GRIP2: variants seen among roughly 807,000 people sequenced by gnomAD.
GRIP2 encodes the protein glutamate receptor interacting protein 2.
In GRIP2, 58 loss-of-function variants were observed where a neutral mutation model predicts 108.3. That is an observed-to-expected ratio of 0.54 (90% CI 0.43 to 0.67). The LOEUF is 0.67. Among genes scored for constraint, GRIP2 ranks in the 30% least tolerant of loss-of-function variants. GRIP2 has a pLI of 0.00. For missense variants in GRIP2, 1,278 were observed against 1,430.6 expected, an observed-to-expected ratio of 0.89 and a Z score of 1.72; for synonymous variants, 586 against 598.2, an observed-to-expected ratio of 0.98 and a Z score of 0.30.
At chr3:14,514,526 T>A (rs888494669) in intron 11 of GRIP2, 48 bp from the exon 12 acceptor site, 1 of 1,481,734 alleles carries the variant, frequency 6.7e-7, no homozygotes, top group African/African-American at 1.4e-5. Flanking sequence ...CCCACGGAGG[T>A]CTTCCTGCCA....
rs1047580676 is a variant in GRIP2, at chr3:14,505,423, C to A, written c.2573+192G>T. Among the ~76,000 whole-genome samples the A allele has an allele frequency of 1.3e-5, 2 of 152,172 alleles. No individual in the cohort carries two copies. Among genetic ancestry groups the A allele is most frequent in the East Asian group, 3.9e-4 (2 of 5,182 alleles). ...ATACCTTCGTCCCTGCCGTGCCCTC[C>A]ACCAGTCTGCCCTTCCCTCCGTCTC... On this transcript the variant is annotated intron_variant, in intron 20 of 23. Transcript: ENST00000621039. The surrounding 1 kb of genome is among the most constrained non-coding windows in gnomAD (Gnocchi z 4.2).
chr3:14,569,735 C>T, the GRIP2 span, among the ~76,000 whole-genome samples: 43 of 152,256 alleles, frequency 2.8e-4, no homozygotes, highest in African/African-American at 1.0e-3. Context: ...TCAGCCTCTG[C>T]GCTACACCCT....
chr3:14,596,877 A>C, the GRIP2 span, among the ~76,000 whole-genome samples: 5 of 151,814 alleles, frequency 3.3e-5, no homozygotes, highest in Non-Finnish European at 5.9e-5. Context: ...AGCAGCTGGG[A>C]CTACAGGCAC....
At chr3:14,506,256 A>G (rs938631053) in intron 19 of GRIP2, among the ~76,000 whole-genome samples, 1 of 152,106 alleles carries the variant, frequency 6.6e-6, no homozygotes, top group African/African-American at 2.4e-5. Flanking sequence ...GAGTTGGACC[A>G]TGGGGAGTTC....
At chr3:14,595,568 G>A in the GRIP2 span, among the ~76,000 whole-genome samples, 89,687 of 152,110 alleles carry the variant, frequency 0.59, 27,438 homozygotes, top group African/African-American at 0.76. Flanking sequence ...TCAGACAGTC[G>A]CCACGGGGAT....
At chr3:14,589,435 A>G in the GRIP2 span, among the ~76,000 whole-genome samples, 3 of 152,122 alleles carry the variant, frequency 2.0e-5, no homozygotes, top group East Asian at 1.9e-4. Context: ...TAGCAGATGG[A>G]AGACAGGGGT....
intron 12 of GRIP2, 131 bp from the exon 13 acceptor site, chr3:14,513,941 G>A: frequency 9.1e-7 from 1 of 1,099,944 alleles, no homozygotes. Context: ...CTCTGCCCTG[G>A]CCCACCTGTG....
At chr3:14,559,604 G>A (rs1200871142), upstream of GRIP2, among the ~76,000 whole-genome samples, 5 of 152,078 alleles carry the variant, frequency 3.3e-5, no homozygotes, top group Admixed American at 1.3e-4. Context: ...TCTGTCTTGG[G>A]GGTGCAGGAT....
chr3:14,598,088 C>A, the GRIP2 span, among the ~76,000 whole-genome samples: 9 of 152,286 alleles, frequency 5.9e-5, no homozygotes, highest in South Asian at 1.9e-3. Context: ...TATGCACCCA[C>A]GCACTGGAAA....
intron 22 of GRIP2, among the ~76,000 whole-genome samples, chr3:14,495,200 C>T (rs1387997679): frequency 6.6e-6 from 1 of 151,046 alleles, no homozygotes; most frequent in Non-Finnish European, 1.5e-5. Flanking sequence ...CAGGCCACAA[C>T]ACTCAAGTAC....
At chr3:14,529,157 T>A (rs1209155480) in intron 1 of GRIP2, among the ~76,000 whole-genome samples, 1 of 151,242 alleles carries the variant, frequency 6.6e-6, no homozygotes, top group Non-Finnish European at 1.5e-5. Context: ...CAGGCGCCTG[T>A]AGTCCCAGCT....
rs763537267 is a variant in GRIP2 at position 14,520,461 on chromosome 3, G to A, written c.789C>T (p.Leu263=). Residue 263 remains leucine, a synonymous_variant, in exon 8 of 24, where the codon CTC becomes CTT. Coordinates refer to ENST00000621039, the MANE Select transcript of GRIP2 (RefSeq NM_001080423.4). The stretch of plus-strand genomic sequence containing the variant: ...ACTTGTTCCGGAGGGAGGTGGTGGT[G>A]AGCGAGATCCCCAGGGCAGACCCTG... ...KTPGSALGIS[L]TTTSLRNKSV... The A allele has an allele frequency of 3.7e-5, 60 of 1,613,808 alleles. No homozygotes were observed. The East Asian group carries it at 9.6e-4, about 26-fold the overall frequency.
Position 14,522,869 on chromosome 3 carries a change from G to A in GRIP2, c.566+131C>T. 1.3e-6 allele frequency: 1 copy of A among 754,216 alleles called. No homozygotes were observed. Among genetic ancestry groups the A allele is most frequent in the Non-Finnish European group, 2.4e-6 (1 of 423,098 alleles). The allele number at this position is 754,216 out of a possible 1,614,324, so 46.7% of individuals were successfully genotyped here. On this transcript the variant is annotated intron_variant, in intron 6 of 23. Transcript: ENST00000621039. The surrounding 1 kb of genome is among the most constrained non-coding windows in gnomAD (Gnocchi z 4.3). ...ATCAACAACTCCCTGAATGACACCG[G>A]GCAGGGAGTGTTCCCTCAGGGCCTC...
chr3:14,600,457 A>G, the GRIP2 span, among the ~76,000 whole-genome samples: 1 of 152,236 alleles, frequency 6.6e-6, no homozygotes, highest in African/African-American at 2.4e-5. Context: ...GAGGGACTTA[A>G]GAAGGACATG....
upstream of GRIP2, among the ~76,000 whole-genome samples, chr3:14,557,841 A>C (rs1277302986): frequency 2.6e-5 from 4 of 152,248 alleles, no homozygotes; most frequent in Non-Finnish European, 5.9e-5. Context: ...TCTGAGGTCA[A>C]ATCCCAACTC....
chr3:14,536,261 C>T (rs1278556581), intron 1 of GRIP2, among the ~76,000 whole-genome samples: 1 of 152,162 alleles, frequency 6.6e-6, no homozygotes, highest in Non-Finnish European at 1.5e-5. Context: ...GTCCTAAGAA[C>T]CATGGAGGGA....
At chr3:14,524,908 G>T (rs13086985) in intron 3 of GRIP2, among the ~76,000 whole-genome samples, 1 of 152,090 alleles carries the variant, frequency 6.6e-6, no homozygotes, top group Non-Finnish European at 1.5e-5. Flanking sequence ...CACCAGCATT[G>T]TGTGAGGCCC....
chr3:14,576,549 G>C, the GRIP2 span, among the ~76,000 whole-genome samples: 1 of 152,250 alleles, frequency 6.6e-6, no homozygotes, highest in South Asian at 2.1e-4. Context: ...GGCCATGGAA[G>C]ACTTTGAACT....
chr3:14,525,064 G>T (rs1694517301), intron 3 of GRIP2, among the ~76,000 whole-genome samples: 1 of 152,208 alleles, frequency 6.6e-6, no homozygotes. Flanking sequence ...TCGGGTCAGG[G>T]AGGGCTTCCT....
Sources: allele counts gnomAD v4.1 joint callset (sites outside exome capture counted in the v4.1 genomes callset), GRCh38; gene constraint gnomAD v4.1.1; non-coding constraint Gnocchi (gnomAD v3.1); transcripts MANE v1.5; gene names NCBI Gene and HGNC (gene_info 2026-07-23, HGNC 2026-07-21).